The following FHOD3 variants were observed in gnomAD, a reference collection of about 807,000 sequenced individuals.
FHOD3 encodes the protein formin homology 2 domain containing 3.
A neutral mutation model predicts 173.0 loss-of-function variants in FHOD3; 90 were observed. That is an observed-to-expected ratio of 0.52 (90% confidence interval 0.44 to 0.62). FHOD3 has a LOEUF of 0.62. FHOD3 is among the 20% of genes least tolerant of loss of function. The pLI, the probability that FHOD3 is intolerant of heterozygous loss-of-function variation, is 0.00. For synonymous variants in FHOD3, 828 were observed against 823.0 expected (o/e 1.01, Z -0.10); for missense variants, 1,945 against 2,034.7 (o/e 0.96, Z 0.85).
intron 9 of FHOD3, among the ~76,000 whole-genome samples, chr18:36,620,230 A>G (rs1398568189): frequency 2.0e-5 from 3 of 152,156 alleles, no homozygotes; most frequent in Non-Finnish European, 2.9e-5. Context: ...TGAAGTTTCA[A>G]CCACACTCAA....
chr18:36,498,325 C>T (rs1007254149), intron 3 of FHOD3, among the ~76,000 whole-genome samples: 2 of 151,684 alleles, frequency 1.3e-5, no homozygotes, highest in Admixed American at 1.3e-4. Flanking sequence ...TTAAAGCAAA[C>T]GAAAGGAAAT....
At chr18:36,341,256 C>T (rs1036386980) in intron 1 of FHOD3, among the ~76,000 whole-genome samples, 3 of 152,084 alleles carry the variant, frequency 2.0e-5, no homozygotes, top group Non-Finnish European at 4.4e-5. Context: ...ATATTTTTAG[C>T]TATTAAAAGT....
chr18:36,325,930 G>A (rs968543909), intron 1 of FHOD3, among the ~76,000 whole-genome samples: 24 of 152,192 alleles, frequency 1.6e-4, no homozygotes, highest in African/African-American at 5.8e-4. Flanking sequence ...ATCTGAACGA[G>A]AAGTTTTAAA....
intron 3 of FHOD3, among the ~76,000 whole-genome samples, chr18:36,473,596 T>G (rs1249779944): frequency 6.6e-6 from 1 of 152,216 alleles, no homozygotes; most frequent in Non-Finnish European, 1.5e-5. Context: ...TATTCCTCAG[T>G]ATCACTTCTG....
intron 14 of FHOD3, among the ~76,000 whole-genome samples, chr18:36,679,799 T>C (rs759676376): frequency 6.6e-6 from 1 of 152,286 alleles, no homozygotes; most frequent in South Asian, 2.1e-4. Flanking sequence ...TGTGACACAA[T>C]TGATGGTCAA....
At chr18:36,444,985 A>G (rs1225856167) in intron 3 of FHOD3, among the ~76,000 whole-genome samples, 1 of 152,244 alleles carries the variant, frequency 6.6e-6, no homozygotes, top group Admixed American at 6.5e-5. Context: ...GTCAAAAGAT[A>G]AAGTACCCAT....
chr18:36,621,404 G>A lies in FHOD3; in HGVS notation c.958-4107G>A, dbSNP rs949604925. ...CAACAATCCCTGTTCCTGATGTTTT[G>A]GGTTAGGAATTTGAGCCTTATTCAG... On this transcript the variant is annotated intron_variant, in intron 9 of 28. Coordinates refer to ENST00000590592, the MANE Select transcript of FHOD3 (RefSeq NM_001281740.3). Among the ~76,000 whole-genome samples, 3 of 152,140 alleles carry A rather than the reference G, an allele frequency of 2.0e-5. No homozygotes were observed. The South Asian group carries it at 6.2e-4, about 32-fold the overall frequency.
rs1261400888 is a variant in FHOD3, at chr18:36,482,852, C to CAT, written c.338-19079_338-19078insTA. On this transcript the variant is annotated intron_variant, in intron 3 of 28. Coordinates refer to ENST00000590592, the MANE Select transcript of FHOD3 (RefSeq NM_001281740.3). ...ACACACACACACACACACACTCACACACACACAGAGAGAGAGAGAGAGAGA... is the reference window on the plus strand; with the variant it reads ...ACACACACACACACACACACTCACACATACACACAGAGAGAGAGAGAGAGAGA... Among the ~76,000 whole-genome samples, 6 of 101,234 alleles carry CAT rather than the reference C, an allele frequency of 5.9e-5. No individual in the cohort carries two copies. In the South Asian group the frequency reaches 2.1e-3, roughly 36 times the overall value. 66.4% of individuals were successfully genotyped at this position (101,234 alleles called of 152,430 possible). A position where few individuals can be genotyped will look rare whatever the true frequency, so the allele number is the denominator to read the frequency against.
chr18:36,459,142 G>A (rs2052401266), intron 3 of FHOD3, among the ~76,000 whole-genome samples: 1 of 50,980 alleles, frequency 2.0e-5, no homozygotes, highest in South Asian at 1.1e-3. Context: ...CTATTAATGG[G>A]CATTTTTATG....
intron 1 of FHOD3, among the ~76,000 whole-genome samples, chr18:36,306,457 G>A (rs888145243): frequency 6.6e-6 from 1 of 152,162 alleles, no homozygotes; most frequent in Non-Finnish European, 1.5e-5. Context: ...TGGAAAGAGA[G>A]GAAAAGTTAG....
At chr18:36,324,510 CAT>C (rs2044566084) in intron 1 of FHOD3, among the ~76,000 whole-genome samples, 2 of 152,152 alleles carry the variant, frequency 1.3e-5, no homozygotes, top group African/African-American at 2.4e-5. Flanking sequence ...ATAAAGGACT[CAT>C]ATTCAAAATA....
intron 4 of FHOD3, among the ~76,000 whole-genome samples, chr18:36,509,332 C>T (rs574317941): frequency 6.7e-6 from 1 of 148,626 alleles, no homozygotes; most frequent in South Asian, 2.1e-4. Context: ...GAGGCTGAGT[C>T]AGGAGAATGG....
chr18:36,555,307 G>A (rs1292804560), intron 5 of FHOD3, among the ~76,000 whole-genome samples: 2 of 151,166 alleles, frequency 1.3e-5, no homozygotes, highest in Non-Finnish European at 2.9e-5. Flanking sequence ...ATTTAGAAGT[G>A]TGTTACTTAC....
At chr18:36,627,410 A>G (rs914828419) in intron 10 of FHOD3, among the ~76,000 whole-genome samples, 2 of 152,054 alleles carry the variant, frequency 1.3e-5, no homozygotes, top group African/African-American at 4.8e-5. Flanking sequence ...TCAGGTGACA[A>G]TGCTTTGCAA....
intron 7 of FHOD3, among the ~76,000 whole-genome samples, chr18:36,596,659 T>C (rs1357551096): frequency 6.6e-6 from 1 of 152,110 alleles, no homozygotes; most frequent in Non-Finnish European, 1.5e-5. Context: ...GCACTAGGCA[T>C]GGCTGATGGC....
chr18:36,742,925 T>A, intron 22 of FHOD3, 69 bp downstream of exon 22: 1 of 1,558,650 alleles, frequency 6.4e-7, no homozygotes, highest in Non-Finnish European at 8.7e-7. Flanking sequence ...CAATTGCTGA[T>A]GAAGGTTGTA....
intron 5 of FHOD3, among the ~76,000 whole-genome samples, chr18:36,529,369 T>C (rs2146804992): frequency 6.6e-6 from 1 of 152,332 alleles, no homozygotes; most frequent in African/African-American, 2.4e-5. Context: ...GGTTAAGATT[T>C]GGGAACAGTC....
chr18:36,495,862 C>G (rs912439977), intron 3 of FHOD3, among the ~76,000 whole-genome samples: 32 of 152,290 alleles, frequency 2.1e-4, no homozygotes, highest in African/African-American at 6.3e-4. Context: ...CATCCTACCT[C>G]GAGGAATCCT....
intron 3 of FHOD3, among the ~76,000 whole-genome samples, chr18:36,392,952 G>A (rs571837608): frequency 6.6e-6 from 1 of 152,180 alleles, no homozygotes; most frequent in Non-Finnish European, 1.5e-5. Flanking sequence ...CTCAGCTTAG[G>A]GTTTTGGTGA....
Sources: allele counts gnomAD v4.1 joint callset (sites outside exome capture counted in the v4.1 genomes callset), GRCh38; gene constraint gnomAD v4.1.1; transcripts MANE v1.5; gene names NCBI Gene and HGNC (gene_info 2026-07-23, HGNC 2026-07-21).